The following DNASE2B variants were observed in gnomAD, a reference collection of about 807,000 sequenced individuals.
The protein encoded by DNASE2B is deoxyribonuclease 2 beta.
Under a neutral mutation model 46.0 loss-of-function variants are expected in DNASE2B, and 43 were observed. That is an observed-to-expected ratio of 0.94 (90% CI 0.73 to 1.21). The LOEUF is 1.21. DNASE2B is among the 50% of genes most tolerant of loss of function. The probability of loss-of-function intolerance (pLI) is 0.00; values close to 1 mark genes in which losing one functional copy is unlikely to be tolerated. For missense variants in DNASE2B, 395 were observed against 414.4 expected (o/e 0.95, Z 0.41); for synonymous variants, 156 against 152.5 (o/e 1.02, Z -0.17).
rs778044203 is a variant in DNASE2B at position 84,402,021 on chromosome 1, C to A, written c.246C>A (p.Asp82Glu). The A allele has an allele frequency of 6.2e-7, 1 of 1,610,766 alleles. No homozygotes were observed. Among genetic ancestry groups the A allele is most frequent in the East Asian group, 2.2e-5 (1 of 44,658 alleles). ...SWRKSEQLMNDTKSVLGRTLQ... is the reference protein window; with the variant it reads ...SWRKSEQLMNETKSVLGRTLQ... Reference sequence around the variant, plus strand: ...GGAAGAGTGAGCAACTAATGAATGACACCAAGAGTGTTTTGGGAAGGACAT... The same window carrying A: ...GGAAGAGTGAGCAACTAATGAATGAAACCAAGAGTGTTTTGGGAAGGACAT... The change falls in exon 2 of 6, where the codon GAC (aspartate) becomes GAA (glutamate). Residue 82 changes from aspartate to glutamate, a missense_variant. Asp to Glu is a conservative substitution (Grantham distance 45). Transcript: ENST00000370665.
rs768028542 is a variant in DNASE2B, at chr1:84,410,884, C to T, written c.432C>T (p.Ser144=). Reference sequence around the variant, plus strand: ...TTCAAGGGTTCTGGCTGATTCATTCCATCCCTCAGTTTCCTCCAATTCCGG... The same window carrying T: ...TTCAAGGGTTCTGGCTGATTCATTCTATCCCTCAGTTTCCTCCAATTCCGG... ...NRVQGFWLIH[S]IPQFPPIPEE... is the part of the protein sequence containing the mutation. The change falls in exon 4 of 6, where the codon TCC becomes TCT. Residue 144 remains serine (S), a synonymous_variant. Coordinates refer to ENST00000370665, the MANE Select transcript of DNASE2B (RefSeq NM_021233.3). The T allele has an allele frequency of 6.2e-7, 1 of 1,613,504 alleles. No homozygotes were observed. The highest frequency in any genetic ancestry group is 1.1e-5 in the South Asian group (1 of 90,960).
chr1:84,414,602 G>A lies in DNASE2B; in HGVS notation c.820G>A (p.Glu274Lys). The change falls in exon 6 of 6, where the codon GAG becomes AAG. Residue 274 changes from glutamate (E) to lysine (K), a missense_variant. By Grantham distance (56) the Glu-to-Lys change is moderately conservative. Transcript: ENST00000370665. ...AGAAACCTGGCAGCGAAAAAGACAA[G>A]AGCTTCCTTCAAACTGCTCCCTTCC... ...LTETWQRKRQELPSNCSLPYH... is the reference protein window; with the variant it reads ...LTETWQRKRQKLPSNCSLPYH... 2.5e-6 allele frequency: 4 copies of A among 1,614,098 alleles called. No individual in the cohort carries two copies. The highest frequency in any genetic ancestry group is 2.5e-6 in the Non-Finnish European group (3 of 1,180,002).
In DNASE2B at chr1:84,414,544, G is replaced by C. The variant is rs754350963; in HGVS notation, c.762G>C (p.Trp254Cys). The stretch of plus-strand genomic sequence containing the variant: ...AAACCCTAGACATCTTTGCAGCCTG[G>C]ATGGCTCAACGGCTGAAGACACACT... Reference protein sequence around the residue: ...DSFLDDIFAAWMAQRLKTHLL... With the variant: ...DSFLDDIFAACMAQRLKTHLL... The change falls in exon 6 of 6, where the codon TGG (tryptophan) becomes TGC (cysteine). Residue 254 changes from tryptophan (W) to cysteine (C), a missense_variant. Trp to Cys is a radical substitution (Grantham distance 215). Coordinates refer to ENST00000370665, the MANE Select transcript of DNASE2B (RefSeq NM_021233.3). The C allele has an allele frequency of 6.2e-7, 1 of 1,610,640 alleles. No individual in the cohort carries two copies. The highest frequency in any genetic ancestry group is 1.7e-5 in the Admixed American group (1 of 59,664).
rs539411121 is a variant in DNASE2B, at chr1:84,400,749, G to A, written c.126-1152G>A. On this transcript the variant is annotated intron_variant, in intron 1 of 5. Transcript: ENST00000370665. ...ATATGGAAAATCATTTTTGCCACAA[G>A]TGAATGGACATATTACTTAGCAATG... Among the ~76,000 whole-genome samples the A allele has an allele frequency of 1.4e-4, 22 of 152,366 alleles. 1 individual carries two copies. In the East Asian group the frequency reaches 2.5e-3, roughly 17 times the overall value.
In DNASE2B at chr1:84,412,953, AC is replaced by A. The variant is rs373659020; in HGVS notation, c.745+417del. On this transcript the variant is annotated intron_variant, in intron 5 of 5. Transcript: ENST00000370665. ...TAGGGAGAAACCACTTCTATATGCT[AC>A]CCCCCCCCCACCCCTCCAACAATCT... is the stretch of plus-strand genomic sequence containing the variant. Among the ~76,000 whole-genome samples the A allele has an allele frequency of 3.1e-4, 44 of 140,282 alleles. 1 individual carries two copies. The highest frequency in any genetic ancestry group is 1.2e-3 in the South Asian group (5 of 4,346). 92.0% of individuals were successfully genotyped at this position (140,282 alleles called of 152,430 possible).
chr1:84,412,252 T>G, intron 4 of DNASE2B, 97 bp from the exon 5 acceptor site: 1 of 1,123,460 alleles, frequency 8.9e-7, no homozygotes, highest in Non-Finnish European at 1.2e-6. Flanking sequence ...GTTTTTGTGT[T>G]GTTTTGTTTT....
chr1:84,402,081 A>G lies in DNASE2B; in HGVS notation c.303+3A>G. ...TATATGAAGCATATGCCTCTAAGGT[A>G]TGTTATATAGTTAATTGTTCACTTG... On this transcript the variant is annotated splice_donor_region_variant and intron_variant, in intron 2 of 5. Transcript: ENST00000370665. The G allele has an allele frequency of 6.3e-7, 1 of 1,595,338 alleles. No individual in the cohort carries two copies. The highest frequency in any genetic ancestry group is 8.5e-7 in the Non-Finnish European group (1 of 1,174,578).
At chr1:84,410,299 CT>C (rs1680565993) in intron 3 of DNASE2B, among the ~76,000 whole-genome samples, 2 of 152,108 alleles carry the variant, frequency 1.3e-5, no homozygotes, top group African/African-American at 4.8e-5. Context: ...GCACAGCTTC[CT>C]TTTTGTCTCT....
At chr1:84,405,443 C>G (rs142859813) in intron 2 of DNASE2B, among the ~76,000 whole-genome samples, 1 of 152,284 alleles carries the variant, frequency 6.6e-6, no homozygotes, top group East Asian at 1.9e-4. Flanking sequence ...ATTCACTTAA[C>G]TTGAAATGGC....
At chr1:84,411,051 T>C in intron 4 of DNASE2B, 52 bp downstream of exon 4, 1 of 1,508,948 alleles carries the variant, frequency 6.6e-7, no homozygotes, top group South Asian at 1.2e-5. Context: ...GAAGAAATGA[T>C]TTGGAAATAT....
intron 2 of DNASE2B, among the ~76,000 whole-genome samples, chr1:84,407,364 T>C (rs961015149): frequency 6.6e-6 from 1 of 152,162 alleles, no homozygotes; most frequent in African/African-American, 2.4e-5. Flanking sequence ...TGCCATTCAG[T>C]AGCTATGATC....
intron 1 of DNASE2B, 82 bp downstream of exon 1, chr1:84,398,771 G>T: frequency 6.5e-7 from 1 of 1,543,240 alleles, no homozygotes; most frequent in Non-Finnish European, 8.8e-7. Context: ...AGTTCCTAAG[G>T]GGAATGTCCA....
In DNASE2B at chr1:84,412,481, C is replaced by A; in HGVS notation, c.680C>A (p.Thr227Asn). ...SSSEIPGRLL[T>N]TLQSAQGQKF... Reference sequence around the variant, plus strand: ...TCAGAGATTCCTGGCAGGCTCCTCACCACACTTCAGTCGGCCCAGGGACAA... The same window carrying A: ...TCAGAGATTCCTGGCAGGCTCCTCAACACACTTCAGTCGGCCCAGGGACAA... The change falls in exon 5 of 6, where the codon ACC becomes AAC. Residue 227 changes from threonine (T) to asparagine (N), a missense_variant. Thr to Asn is a moderately conservative substitution (Grantham distance 65). Transcript: ENST00000370665. 1 of 1,613,984 alleles carries A rather than the reference C, an allele frequency of 6.2e-7. No individual in the cohort carries two copies. The highest frequency in any genetic ancestry group is 8.5e-7 in the Non-Finnish European group (1 of 1,179,906).
At chr1:84,408,193 T>C (rs1558501094) in intron 2 of DNASE2B, 3 of 366,090 alleles carry the variant, frequency 8.2e-6, no homozygotes, top group Non-Finnish European at 1.3e-5. Flanking sequence ...CACACACAGA[T>C]CACAATGCAC....
chr1:84,400,737 T>A (rs895407486), intron 1 of DNASE2B, among the ~76,000 whole-genome samples: 1 of 152,204 alleles, frequency 6.6e-6, no homozygotes. Context: ...TGGAAAATCA[T>A]TTTTGCCACA....
intron 3 of DNASE2B, among the ~76,000 whole-genome samples, chr1:84,409,681 C>G (rs192658507): frequency 2.2e-4 from 33 of 152,278 alleles, no homozygotes; most frequent in South Asian, 1.7e-3. Flanking sequence ...CATTCTTCAA[C>G]CTCTCCTCCA....
Position 84,410,756 on chromosome 1 carries a change from G to A in DNASE2B, c.386-82G>A, listed in dbSNP as rs1027181370. 17 of 1,359,170 alleles carry A rather than the reference G, an allele frequency of 1.3e-5. No homozygotes were observed. In the African/African-American group the frequency reaches 2.2e-4, roughly 18 times the overall value. The allele number at this position is 1,359,170 out of a possible 1,614,324, so 84.2% of individuals were successfully genotyped here. A position where few individuals can be genotyped will look rare whatever the true frequency, so the allele number is the denominator to read the frequency against. On this transcript the variant is annotated intron_variant, in intron 3 of 5. Transcript: ENST00000370665. ...AAACACTAGTCTGAAGCATAAATGG[G>A]CTTAAATGTTGCCACTGTGAACCCT...
At position 84,408,473 on chromosome 1, in the gene DNASE2B, G is replaced by A; in HGVS notation, c.340G>A (p.Val114Ile). The change falls in exon 3 of 6, where the codon GTC becomes ATC. Residue 114 changes from valine (V) to isoleucine (I), a missense_variant. Physicochemically the swap from Val to Ile is conservative, Grantham distance 29. Transcript: ENST00000370665. Reference sequence around the variant, plus strand: ...AGCCTATCTAATATACAATGATGGAGTCCCTAAACCTGTGAATTACAGCAG... The same window carrying A: ...AGCCTATCTAATATACAATGATGGAATCCCTAAACCTGTGAATTACAGCAG... ...NTAYLIYNDG[V>I]PKPVNYSRKY... 1 of 1,611,342 alleles carries A rather than the reference G, an allele frequency of 6.2e-7. No individual in the cohort carries two copies.
intron 4 of DNASE2B, among the ~76,000 whole-genome samples, chr1:84,411,474 GTGTGTGTGTC>G (rs1377948619): frequency 2.3e-3 from 282 of 123,638 alleles, no homozygotes; most frequent in African/African-American, 6.6e-3. Flanking sequence ...GTGTGTGTGT[GTGTGTGTGTC>G]AGAGAGAGAG....
Sources: allele counts gnomAD v4.1 joint callset (sites outside exome capture counted in the v4.1 genomes callset), GRCh38; gene constraint gnomAD v4.1.1; transcripts MANE v1.5; gene names NCBI Gene and HGNC (gene_info 2026-07-23, HGNC 2026-07-21).